NPAS2: variants seen among roughly 807,000 people sequenced by gnomAD.
The protein encoded by NPAS2 is neuronal PAS domain protein 2.
In NPAS2, 23 loss-of-function variants were observed where a neutral mutation model predicts 107.5. That is an observed-to-expected ratio of 0.21 (90% CI 0.15 to 0.30). The LOEUF is 0.30. Ranked by LOEUF, NPAS2 falls within the 10% of genes least tolerant of loss-of-function variation. The pLI, the probability that NPAS2 is intolerant of heterozygous loss-of-function variation, is 1.00. For missense variants in NPAS2, 756 were observed against 1,043.3 expected, an observed-to-expected ratio of 0.72 and a Z score of 3.79; for synonymous variants, 403 against 417.5, an observed-to-expected ratio of 0.97 and a Z score of 0.42.
intron 1 of NPAS2, among the ~76,000 whole-genome samples, chr2:100,873,275 CAT>C (rs376842348): frequency 0.029 from 2,270 of 76,992 alleles, 39 homozygotes; most frequent in East Asian, 0.049. Flanking sequence ...AAAAAAAATA[CAT>C]ATATATATAT....
At chr2:100,944,829 G>A (rs1674789567) in intron 5 of NPAS2, among the ~76,000 whole-genome samples, 1 of 151,990 alleles carries the variant, frequency 6.6e-6, no homozygotes. Flanking sequence ...CCTGATATTG[G>A]CCCTCGGACC....
intron 15 of NPAS2, among the ~76,000 whole-genome samples, chr2:100,980,899 T>G (rs1677394246): frequency 6.6e-6 from 1 of 152,182 alleles, no homozygotes; most frequent in Admixed American, 6.5e-5. Context: ...GCTCAGCTCC[T>G]AAGACTTGGG....
At chr2:100,861,205 G>A (rs1678920843) in intron 1 of NPAS2, among the ~76,000 whole-genome samples, 1 of 152,106 alleles carries the variant, frequency 6.6e-6, no homozygotes, top group Non-Finnish European at 1.5e-5. Context: ...GCACTGAAGG[G>A]TTCCGAGCTG....
intron 16 of NPAS2, chr2:100,983,244 C>T (rs1677572236): frequency 6.6e-6 from 1 of 152,354 alleles, no homozygotes. Flanking sequence ...CCCCCATCAC[C>T]ATCTACGCAG....
chr2:100,982,246 A>C lies in NPAS2; in HGVS notation c.1498A>C (p.Ser500Arg), dbSNP rs1677490460. ...APMAQFSAQF[S>R]MFQTIKDQLE... ...CACCTTGAAGTTTTCGGCACAGTTC[A>C]GCATGTTCCAGACCATCAAAGACCA... is the stretch of plus-strand genomic sequence containing the variant. Residue 500 changes from serine to arginine, a missense_variant, in exon 16 of 21, where the codon AGC becomes CGC. By Grantham distance (110) the Ser-to-Arg change is moderately radical (BLOSUM62 -1). Coordinates refer to ENST00000335681, the MANE Select transcript of NPAS2 (RefSeq NM_002518.4). 1.2e-6 allele frequency: 2 copies of C among 1,614,240 alleles called. No homozygotes were observed. Among genetic ancestry groups the C allele is most frequent in the East Asian group, 4.5e-5 (2 of 44,886 alleles).
At chr2:100,899,094 C>CA (rs1681610234) in intron 1 of NPAS2, among the ~76,000 whole-genome samples, 1 of 152,130 alleles carries the variant, frequency 6.6e-6, no homozygotes, top group Non-Finnish European at 1.5e-5. Flanking sequence ...CTCGCAGAGC[C>CA]AAGGGGTGTC....
chr2:100,895,760 C>T (rs1176969614), intron 1 of NPAS2, among the ~76,000 whole-genome samples: 5 of 152,180 alleles, frequency 3.3e-5, no homozygotes, highest in African/African-American at 9.7e-5. Context: ...ACAGGTAGTC[C>T]CTAGGGGTGG....
intron 15 of NPAS2, among the ~76,000 whole-genome samples, chr2:100,981,722 T>A (rs1677453056): frequency 1.3e-5 from 2 of 152,088 alleles, no homozygotes; most frequent in African/African-American, 2.4e-5. Flanking sequence ...AAGTTCTTGA[T>A]GATCCCAGGC....
intron 16 of NPAS2, chr2:100,987,856 T>C (rs1442631311): frequency 3.4e-6 from 2 of 593,128 alleles, no homozygotes; most frequent in African/African-American, 3.7e-5. Flanking sequence ...GTAACCTTCA[T>C]GAAGGCAGAG....
intron 1 of NPAS2, chr2:100,878,299 C>T (rs997281172): frequency 4.4e-5 from 43 of 985,312 alleles, no homozygotes; most frequent in Non-Finnish European, 4.9e-5. Context: ...AAGCAGCATT[C>T]CCTGACATTT....
chr2:100,959,210 C>T (rs1188854465), intron 7 of NPAS2, among the ~76,000 whole-genome samples: 1 of 151,712 alleles, frequency 6.6e-6, no homozygotes, highest in Non-Finnish European at 1.5e-5. Flanking sequence ...GTCCAGGCTG[C>T]AGTGAGCCAA....
rs563096940 is a variant in NPAS2, at chr2:100,902,043, C to T, written c.-22-2690C>T. Among the ~76,000 whole-genome samples, 22 of 152,208 alleles carry T rather than the reference C, an allele frequency of 1.4e-4. No individual in the cohort carries two copies. The East Asian group carries it at 4.3e-3, about 29-fold the overall frequency. ...CTCTGCTTTCATTTAAGCTCCTTTT[C>T]TGTTTTCTGGCACTCTGTGATCAAA... is the stretch of plus-strand genomic sequence containing the variant. On this transcript the variant is annotated intron_variant, in intron 1 of 20. Coordinates refer to ENST00000335681, the MANE Select transcript of NPAS2 (RefSeq NM_002518.4).
At chr2:100,837,513 A>G (rs566661113) in intron 1 of NPAS2, among the ~76,000 whole-genome samples, 2 of 152,032 alleles carry the variant, frequency 1.3e-5, no homozygotes, top group Non-Finnish European at 2.9e-5. Context: ...AGGTTTCTCC[A>G]TGTTGGCCAG....
intron 7 of NPAS2, among the ~76,000 whole-genome samples, chr2:100,963,266 C>A (rs116006890): frequency 6.6e-6 from 1 of 152,170 alleles, no homozygotes; most frequent in Admixed American, 6.5e-5. Flanking sequence ...TCAATGATGC[C>A]GAGACACCCC....
At chr2:100,889,119 C>G (rs931776292) in intron 1 of NPAS2, among the ~76,000 whole-genome samples, 1 of 152,116 alleles carries the variant, frequency 6.6e-6, no homozygotes, top group Non-Finnish European at 1.5e-5. Flanking sequence ...GAGGCAAAAC[C>G]CAGATGACCT....
At chr2:100,937,924 G>C (rs958074221) in intron 5 of NPAS2, 82 bp downstream of exon 5, 1 of 1,130,164 alleles carries the variant, frequency 8.8e-7, no homozygotes, top group Non-Finnish European at 1.4e-6. Flanking sequence ...ATGGAAGGTG[G>C]TGCAGGTGTC....
intron 2 of NPAS2, among the ~76,000 whole-genome samples, chr2:100,905,518 C>A (rs1682090354): frequency 6.6e-6 from 1 of 151,980 alleles, no homozygotes; most frequent in Non-Finnish European, 1.5e-5. Context: ...AGTTACTGTG[C>A]CATGCTCTGG....
chr2:100,904,866 C>G, intron 2 of NPAS2, 80 bp downstream of exon 2: 1 of 1,055,944 alleles, frequency 9.5e-7, no homozygotes, highest in Non-Finnish European at 1.4e-6. Context: ...CTGGCTTTCA[C>G]TCTGTGCAGG....
At chr2:100,835,713 G>A (rs1677013016) in intron 1 of NPAS2, among the ~76,000 whole-genome samples, 1 of 152,128 alleles carries the variant, frequency 6.6e-6, no homozygotes, top group Admixed American at 6.6e-5. Context: ...AAGCCAGCAT[G>A]GAAAGGTAGG....
Sources: allele counts gnomAD v4.1 joint callset (sites outside exome capture counted in the v4.1 genomes callset), GRCh38; gene constraint gnomAD v4.1.1; transcripts MANE v1.5; gene names NCBI Gene and HGNC (gene_info 2026-07-23, HGNC 2026-07-21).